The following ZCCHC7 variants were observed in gnomAD, a reference collection of about 807,000 sequenced individuals.
The protein encoded by ZCCHC7 is zinc finger CCHC-type containing 7, also known as zinc finger CCHC domain-containing protein 7.
In ZCCHC7, 35 loss-of-function variants were observed where a neutral mutation model predicts 52.0. That is an observed-to-expected ratio of 0.67 (90% CI 0.51 to 0.89). The LOEUF (loss-of-function observed/expected upper bound fraction) is 0.89, where lower values mean the gene tolerates loss of function less well. Ranked by LOEUF, ZCCHC7 falls within the 40% of genes least tolerant of loss-of-function variation. The probability of loss-of-function intolerance (pLI) is 0.00; values close to 1 mark genes in which losing one functional copy is unlikely to be tolerated. For missense variants in ZCCHC7, 574 were observed against 649.1 expected (o/e 0.88, Z 1.26); for synonymous variants, 217 against 221.5 (o/e 0.98, Z 0.18).
chr9:37,211,098 ATTTTAT>A (rs1175606404), intron 2 of ZCCHC7, among the ~76,000 whole-genome samples: 1 of 152,212 alleles, frequency 6.6e-6, no homozygotes, highest in Non-Finnish European at 1.5e-5. Flanking sequence ...AGTTTTAAAC[ATTTTAT>A]TTTTATTTCT....
intron 6 of ZCCHC7, among the ~76,000 whole-genome samples, chr9:37,338,972 CAT>C (rs1025622145): frequency 2.6e-5 from 4 of 152,078 alleles, no homozygotes; most frequent in Admixed American, 2.6e-4. Flanking sequence ...GTACATAATA[CAT>C]GTTTCAAAAA....
intron 3 of ZCCHC7, among the ~76,000 whole-genome samples, chr9:37,302,468 C>G (rs1829079904): frequency 6.6e-6 from 1 of 152,194 alleles, no homozygotes; most frequent in African/African-American, 2.4e-5. Context: ...GGTGAGTCCT[C>G]TCAGCCCATA....
At chr9:37,154,536 G>T (rs79081624) in intron 2 of ZCCHC7, among the ~76,000 whole-genome samples, 4,533 of 152,270 alleles carry the variant, frequency 0.03, 221 homozygotes, top group African/African-American at 0.1. Context: ...AGGTTGGAGT[G>T]CAGGGGTGCC....
intron 2 of ZCCHC7, among the ~76,000 whole-genome samples, chr9:37,229,485 G>A (rs1285789714): frequency 6.6e-6 from 1 of 152,132 alleles, no homozygotes; most frequent in Non-Finnish European, 1.5e-5. Context: ...GTATGAACTT[G>A]TACGGCATGT....
intron 2 of ZCCHC7, among the ~76,000 whole-genome samples, chr9:37,244,147 A>G (rs770767405): frequency 1.3e-5 from 2 of 151,560 alleles, no homozygotes; most frequent in South Asian, 4.1e-4. Context: ...TGCTTCTCAT[A>G]CTAGCCATTT....
At chr9:37,165,360 T>G (rs1821362661) in intron 2 of ZCCHC7, among the ~76,000 whole-genome samples, 1 of 152,122 alleles carries the variant, frequency 6.6e-6, no homozygotes, top group African/African-American at 2.4e-5. Flanking sequence ...GAACCTTAAG[T>G]ATAGGGCGAG....
At chr9:37,199,390 G>A (rs1245724029) in intron 2 of ZCCHC7, among the ~76,000 whole-genome samples, 1 of 142,274 alleles carries the variant, frequency 7.0e-6, no homozygotes. Flanking sequence ...GGAGTGCAAT[G>A]GTGCGATCTC....
At chr9:37,335,342 A>G (rs1398001741) in intron 6 of ZCCHC7, among the ~76,000 whole-genome samples, 4 of 152,142 alleles carry the variant, frequency 2.6e-5, no homozygotes, top group African/African-American at 7.2e-5. Context: ...TTTTATCATA[A>G]TAGAGAAAAG....
At chr9:37,346,513 T>C (rs1292221062) in intron 6 of ZCCHC7, among the ~76,000 whole-genome samples, 1 of 151,802 alleles carries the variant, frequency 6.6e-6, no homozygotes, top group Non-Finnish European at 1.5e-5. Flanking sequence ...CCATCTCTAC[T>C]AAAAATAGAA....
intron 2 of ZCCHC7, among the ~76,000 whole-genome samples, chr9:37,243,926 A>G (rs1006533262): frequency 6.6e-6 from 1 of 151,894 alleles, no homozygotes; most frequent in East Asian, 1.9e-4. Context: ...GTAAAATTGT[A>G]TGGTCTGAGG....
In ZCCHC7 at chr9:37,325,615, G is replaced by A. The variant is rs182504557; in HGVS notation, c.952-2184G>A. 1.5e-3 allele frequency among the ~76,000 whole-genome samples: 228 copies of A among 152,148 alleles called. 3 individuals are homozygous for A. The highest frequency in any genetic ancestry group is 5.3e-4 in the Non-Finnish European group (36 of 67,982). On this transcript the variant is annotated intron_variant, in intron 5 of 8. Transcript: ENST00000336755. ...ATAATAAGCAAAAAGAAAAATTAGG[G>A]TTTTAAAAATTCATTGATGATACAT...
At chr9:37,205,597 A>G (rs1475069428) in intron 2 of ZCCHC7, among the ~76,000 whole-genome samples, 1 of 151,436 alleles carries the variant, frequency 6.6e-6, no homozygotes, top group African/African-American at 2.4e-5. Flanking sequence ...GCTCACTGCA[A>G]CCTCCACCTC....
chr9:37,226,559 A>T (rs1205809491), intron 2 of ZCCHC7, among the ~76,000 whole-genome samples: 1 of 152,228 alleles, frequency 6.6e-6, no homozygotes, highest in African/African-American at 2.4e-5. Context: ...GTAGATTTAC[A>T]TAAAGATACC....
At chr9:37,131,627 A>G (rs537560260) in intron 2 of ZCCHC7, among the ~76,000 whole-genome samples, 1 of 152,370 alleles carries the variant, frequency 6.6e-6, no homozygotes, top group South Asian at 2.1e-4. Flanking sequence ...CCTAGGCGAC[A>G]GAGTGAGACT....
intron 2 of ZCCHC7, among the ~76,000 whole-genome samples, chr9:37,239,757 T>C (rs992071111): frequency 1.3e-5 from 2 of 152,130 alleles, no homozygotes; most frequent in African/African-American, 4.8e-5. Flanking sequence ...CTACATCATA[T>C]AAACCTGATG....
intron 2 of ZCCHC7, among the ~76,000 whole-genome samples, chr9:37,196,209 C>G (rs1057061706): frequency 2.6e-5 from 4 of 152,144 alleles, no homozygotes; most frequent in African/African-American, 9.7e-5. Flanking sequence ...TTTTGTTTCT[C>G]TGGGTCACTC....
intron 2 of ZCCHC7, among the ~76,000 whole-genome samples, chr9:37,291,536 CA>C (rs1828536638): frequency 6.6e-6 from 1 of 151,930 alleles, no homozygotes. Context: ...ATCAAATGGG[CA>C]AATGCTGTAG....
At chr9:37,346,607 TG>T in intron 6 of ZCCHC7, among the ~76,000 whole-genome samples, 1 of 151,744 alleles carries the variant, frequency 6.6e-6, no homozygotes, top group Non-Finnish European at 1.5e-5. Context: ...GCCCAGGAGG[TG>T]GTGTTGTGGT....
chr9:37,257,200 A>G (rs1826633620), intron 2 of ZCCHC7, among the ~76,000 whole-genome samples: 1 of 152,124 alleles, frequency 6.6e-6, no homozygotes, highest in African/African-American at 2.4e-5. Flanking sequence ...GGTGAAGCTT[A>G]TTAACACAGA....
Sources: allele counts gnomAD v4.1 joint callset (sites outside exome capture counted in the v4.1 genomes callset), GRCh38; gene constraint gnomAD v4.1.1; transcripts MANE v1.5; gene names NCBI Gene and HGNC (gene_info 2026-07-23, HGNC 2026-07-21).